PLXNA4: variants seen among roughly 807,000 people sequenced by gnomAD.
PLXNA4 encodes plexin A4.
Under a neutral mutation model 191.8 loss-of-function variants are expected in PLXNA4, and 44 were observed. The ratio of observed to expected loss-of-function variants is 0.23; its 90% CI spans 0.18 to 0.29. The LOEUF (loss-of-function observed/expected upper bound fraction) is 0.29, where lower values mean the gene tolerates loss of function less well. Ranked by LOEUF, PLXNA4 falls within the 10% of genes least tolerant of loss-of-function variation. The probability of loss-of-function intolerance (pLI) is 1.00; values close to 1 mark genes in which losing one functional copy is unlikely to be tolerated. For missense variants in PLXNA4, 1,800 were observed against 2,488.8 expected (o/e 0.72, Z 5.89); for synonymous variants, 1,082 against 1,009.5 (o/e 1.07, Z -1.36).
At chr7:132,317,532 A>T (rs1801993662) in intron 3 of PLXNA4, among the ~76,000 whole-genome samples, 1 of 151,974 alleles carries the variant, frequency 6.6e-6, no homozygotes, top group Non-Finnish European at 1.5e-5. Context: ...ATTGGGTTGC[A>T]TTGGATGGGG....
intron 3 of PLXNA4, among the ~76,000 whole-genome samples, chr7:132,363,024 G>C (rs141942017): frequency 6.6e-6 from 1 of 151,952 alleles, no homozygotes; most frequent in South Asian, 2.1e-4. Flanking sequence ...TCACTCTGTC[G>C]CCCAGGCTGG....
chr7:132,507,440 G>A, intron 2 of PLXNA4, 66 bp downstream of exon 2: 2 of 1,498,924 alleles, frequency 1.3e-6, no homozygotes, highest in African/African-American at 1.4e-5. Flanking sequence ...TCCCATGGGG[G>A]CTACAGGCTG....
chr7:132,272,627 T>TAC (rs569716316), intron 4 of PLXNA4, among the ~76,000 whole-genome samples: 85 of 152,354 alleles, frequency 5.6e-4, no homozygotes, highest in African/African-American at 1.8e-3. Flanking sequence ...GATACTAGGA[T>TAC]ACAGTATGAT....
intron 3 of PLXNA4, among the ~76,000 whole-genome samples, chr7:132,377,878 C>T (rs1804725404): frequency 6.6e-6 from 1 of 152,070 alleles, no homozygotes; most frequent in Admixed American, 6.5e-5. Context: ...CACAGCCTGG[C>T]ACAAAAGAAA....
At chr7:132,604,411 C>A (rs961800455) in intron 2 of PLXNA4, among the ~76,000 whole-genome samples, 7 of 152,204 alleles carry the variant, frequency 4.6e-5, no homozygotes, top group Admixed American at 6.5e-5. Context: ...GGCTCTGCTT[C>A]TAATTCATCT....
At chr7:132,473,844 G>A (rs969290551) in intron 3 of PLXNA4, among the ~76,000 whole-genome samples, 15 of 139,250 alleles carry the variant, frequency 1.1e-4, no homozygotes, top group South Asian at 2.3e-4. Flanking sequence ...GCAAGACTCC[G>A]TCTCAAACAA....
intron 5 of PLXNA4, among the ~76,000 whole-genome samples, chr7:132,237,608 T>G (rs564398844): frequency 6.6e-6 from 1 of 152,158 alleles, no homozygotes; most frequent in Non-Finnish European, 1.5e-5. Flanking sequence ...TTTATACCTG[T>G]GTCTGCCTTC....
intron 3 of PLXNA4, among the ~76,000 whole-genome samples, chr7:132,328,653 A>C (rs1802469932): frequency 6.6e-6 from 1 of 152,152 alleles, no homozygotes. Context: ...CATGGTGGCG[A>C]AACTGGAATG....
rs777684954 is a variant in PLXNA4 at position 132,187,572 on chromosome 7, C to G, written c.2892G>C (p.Gly964=). 5.0e-6 allele frequency: 8 copies of G among 1,613,280 alleles called. No individual in the cohort carries two copies. The African/African-American group carries it at 1.1e-4, about 22-fold the overall frequency. Residue 964 remains glycine, a synonymous_variant, in exon 15 of 32, where the codon GGG becomes GGC. Coordinates refer to ENST00000321063, the MANE Select transcript of PLXNA4 (RefSeq NM_020911.2). ...LTLSDLKPSR[G]PMSGGTQVTI... Reference sequence around the variant, plus strand: ...TCACTTGGGTCCCTCCGGACATGGGCCCCCGGCTGGGCTTCAGATCTGAGA... The same window carrying G: ...TCACTTGGGTCCCTCCGGACATGGGGCCCCGGCTGGGCTTCAGATCTGAGA...
intron 1 of PLXNA4, among the ~76,000 whole-genome samples, chr7:132,526,543 A>G (rs1018895789): frequency 7.9e-5 from 12 of 152,060 alleles, no homozygotes; most frequent in African/African-American, 2.9e-4. Context: ...CACACACCCA[A>G]ATTGCTGATT....
intron 2 of PLXNA4, among the ~76,000 whole-genome samples, chr7:132,500,914 C>A (rs1164371944): frequency 6.6e-6 from 1 of 152,170 alleles, no homozygotes; most frequent in Non-Finnish European, 1.5e-5. Context: ...CTGGCTGAGA[C>A]CCAAAGATCC....
chr7:132,146,767 G>A, intron 27 of PLXNA4, 67 bp from the exon 28 acceptor site: 3 of 1,581,312 alleles, frequency 1.9e-6, no homozygotes, highest in South Asian at 2.3e-5. Flanking sequence ...CACTTACCAT[G>A]CATCCCTTGC....
chr7:132,606,321 T>C (rs903358482), intron 2 of PLXNA4, among the ~76,000 whole-genome samples: 1 of 152,224 alleles, frequency 6.6e-6, no homozygotes, highest in Admixed American at 6.5e-5. Context: ...TAAATTTCTG[T>C]TGTTTTAAGC....
chr7:132,520,368 C>G (rs1799124898), intron 1 of PLXNA4, among the ~76,000 whole-genome samples: 1 of 152,176 alleles, frequency 6.6e-6, no homozygotes, highest in Admixed American at 6.5e-5. Flanking sequence ...GCCTGACAAG[C>G]AAGTTGATCT....
intron 1 of PLXNA4, among the ~76,000 whole-genome samples, chr7:132,541,724 T>C (rs1800096172): frequency 6.6e-6 from 1 of 152,214 alleles, no homozygotes; most frequent in Non-Finnish European, 1.5e-5. Context: ...AAATAGAGCA[T>C]GGGTTGCTGC....
At chr7:132,436,009 G>A (rs1795457645) in intron 3 of PLXNA4, among the ~76,000 whole-genome samples, 1 of 152,192 alleles carries the variant, frequency 6.6e-6, no homozygotes. Context: ...CCCGAACCCT[G>A]CTCCTCACAG....
intron 1 of PLXNA4, among the ~76,000 whole-genome samples, chr7:132,539,148 G>A (rs938913563): frequency 2.2e-4 from 34 of 152,124 alleles, no homozygotes; most frequent in Admixed American, 1.5e-3. Context: ...TCCATCCCAG[G>A]GCTGTGGGAC....
intron 10 of PLXNA4, among the ~76,000 whole-genome samples, chr7:132,204,045 G>A (rs1471310989): frequency 6.6e-6 from 1 of 152,140 alleles, no homozygotes; most frequent in Non-Finnish European, 1.5e-5. Context: ...GGTGACGGGG[G>A]AAATCCTGAG....
chr7:132,159,994 G>A (rs1795900124), intron 24 of PLXNA4, among the ~76,000 whole-genome samples: 2 of 152,200 alleles, frequency 1.3e-5, no homozygotes, highest in South Asian at 4.1e-4. Flanking sequence ...ATGCACACGT[G>A]CTATCTCTCT....
Sources: gnomAD v4.1 joint callset for allele counts (sites outside exome capture counted in the v4.1 genomes callset) on GRCh38, gnomAD v4.1.1 for gene constraint, MANE v1.5 for transcripts, NCBI Gene and HGNC (gene_info 2026-07-23, HGNC 2026-07-21) for gene names.